Variants in FAM186B observed in about 807,000 individuals in gnomAD.
The protein encoded by FAM186B is family with sequence similarity 186 member B.
In FAM186B, 68 loss-of-function variants were observed where a neutral mutation model predicts 83.4. That is an observed-to-expected ratio of 0.81 (90% CI 0.67 to 1.00). FAM186B has a LOEUF of 1.00. Among genes scored for constraint, FAM186B ranks in the 50% least tolerant of loss-of-function variants. The pLI is 0.00. For synonymous variants in FAM186B, 389 were observed against 422.0 expected (o/e 0.92, Z 0.96); for missense variants, 983 against 1,099.2 (o/e 0.89, Z 1.49).
At chr12:49,601,184 G>T in intron 3 of FAM186B, 50 bp from the exon 4 acceptor site, 1 of 1,511,712 alleles carries the variant, frequency 6.6e-7, no homozygotes. Flanking sequence ...GGGTCCCAAG[G>T]ATTGCATTGA....
the FAM186B span, among the ~76,000 whole-genome samples, chr12:49,612,367 GTT>G: frequency 2.8e-3 from 379 of 133,990 alleles, 3 homozygotes; most frequent in African/African-American, 9.2e-3. Context: ...ATCCAACAAA[GTT>G]TTTTTTTTTT....
intron 4 of FAM186B, 23 bp downstream of exon 4, chr12:49,599,446 G>A (rs1939810911): frequency 1.3e-6 from 2 of 1,514,116 alleles, no homozygotes; most frequent in South Asian, 2.7e-5. Flanking sequence ...GTGGGTGCCA[G>A]GTGGGTTCCA....
At chr12:49,621,671 A>T in the FAM186B span, among the ~76,000 whole-genome samples, 2 of 152,276 alleles carry the variant, frequency 1.3e-5, no homozygotes, top group African/African-American at 2.4e-5. Context: ...CAGGAAAAAT[A>T]AAAGTTTGTG....
At chr12:49,592,471 C>A (rs891152061) in intron 5 of FAM186B, among the ~76,000 whole-genome samples, 12 of 151,580 alleles carry the variant, frequency 7.9e-5, no homozygotes, top group African/African-American at 2.4e-4. Context: ...GACTCTGTCT[C>A]AAAAAATAAT....
chr12:49,605,314 C>T, intron 1 of FAM186B, 68 bp downstream of exon 1: 1 of 1,562,872 alleles, frequency 6.4e-7, no homozygotes, highest in East Asian at 2.3e-5. Context: ...TCACTCAAAC[C>T]TGGGATCAGC....
intron 6 of FAM186B, 67 bp downstream of exon 6, chr12:49,588,387 C>G: frequency 6.5e-7 from 1 of 1,527,262 alleles, no homozygotes; most frequent in Admixed American, 2.0e-5. Context: ...CCTCCCCAGG[C>G]TGGTCACCCC....
At chr12:49,588,692 TTGTC>T in intron 5 of FAM186B, 69 bp from the exon 6 acceptor site, 1 of 1,473,386 alleles carries the variant, frequency 6.8e-7, no homozygotes, top group Non-Finnish European at 9.1e-7. Context: ...TGAGGAGGCT[TTGTC>T]TGTTTGTTGG....
chr12:49,618,570 A>G, the FAM186B span, among the ~76,000 whole-genome samples: 1 of 152,284 alleles, frequency 6.6e-6, no homozygotes, highest in East Asian at 1.9e-4. Context: ...TGACAGAACT[A>G]TCAGTAACAG....
downstream of FAM186B, among the ~76,000 whole-genome samples, chr12:49,585,578 C>T (rs941007488): frequency 1.3e-5 from 2 of 152,190 alleles, no homozygotes; most frequent in Non-Finnish European, 2.9e-5. Flanking sequence ...AGATGAGCAG[C>T]CCTCCCTCAC....
chr12:49,620,379 G>C, the FAM186B span, among the ~76,000 whole-genome samples: 5 of 152,084 alleles, frequency 3.3e-5, no homozygotes, highest in South Asian at 2.1e-4. Context: ...TGTCAAAAAA[G>C]TGCATGGAGG....
chr12:49,605,387 G>A lies in FAM186B; in HGVS notation c.91C>T (p.Gln31Ter), dbSNP rs756328987. The change falls in exon 1 of 7, where the codon CAA becomes TAA. Residue 31 changes from glutamine to a stop codon, truncating the protein, a stop_gained. Coordinates refer to ENST00000257894, the MANE Select transcript of FAM186B (RefSeq NM_032130.3). LOFTEE classifies it high-confidence loss of function. The stretch of plus-strand genomic sequence containing the variant: ...TCCTTCATCTCAGGGGCTACCTCTT[G>A]AGCCCGAGTTAGCTGGGCAGCCTCA... The part of the protein sequence containing the change: ...RIEAAQLTRA[Q>*]EDISTQLSDI... 6.2e-7 allele frequency: 1 copy of A among 1,612,408 alleles called. No individual in the cohort carries two copies. The highest frequency in any genetic ancestry group is 8.5e-7 in the Non-Finnish European group (1 of 1,179,426).
chr12:49,604,583 G>C (rs747724120), intron 1 of FAM186B, 45 bp from the exon 2 acceptor site: 1 of 1,538,960 alleles, frequency 6.5e-7, no homozygotes, highest in Middle Eastern at 1.7e-4. Flanking sequence ...GTGGACTTGA[G>C]CCAGAAGCCA....
At chr12:49,587,836 G>A (rs1437379143) in intron 6 of FAM186B, 84 bp from the exon 7 acceptor site, 4 of 1,463,292 alleles carry the variant, frequency 2.7e-6, no homozygotes, top group Non-Finnish European at 3.7e-6. Context: ...TCAGGCCCAA[G>A]TGAGCTTTGT....
chr12:49,601,611 CAT>C (rs994368048), intron 3 of FAM186B, among the ~76,000 whole-genome samples: 38 of 147,122 alleles, frequency 2.6e-4, no homozygotes, highest in African/African-American at 9.4e-4. Flanking sequence ...CAACTGTTCA[CAT>C]GTTTTATGTT....
At chr12:49,597,911 T>A (rs1445024254) in intron 5 of FAM186B, among the ~76,000 whole-genome samples, 1 of 151,942 alleles carries the variant, frequency 6.6e-6, no homozygotes, top group Non-Finnish European at 1.5e-5. Flanking sequence ...AATGCAAAAA[T>A]TATCCAGGTG....
rs114606658 is a variant in FAM186B, at chr12:49,588,862, A to G, written c.2365-239T>C. On this transcript the variant is annotated intron_variant, in intron 5 of 6. Coordinates refer to ENST00000257894, the MANE Select transcript of FAM186B (RefSeq NM_032130.3). The stretch of plus-strand genomic sequence containing the variant: ...CCTGTTTTCTCCTTTGTTGTGAGGA[A>G]GCTGGATAATGGGCAAAACAGCAAG... Among the ~76,000 whole-genome samples, 874 of 152,276 alleles carry G rather than the reference A, an allele frequency of 5.7e-3. 7 individuals carry two copies. Among genetic ancestry groups the G allele is most frequent in the Middle Eastern group, 0.041 (12 of 294 alleles).
At chr12:49,586,962 T>A (rs7973389), downstream of FAM186B, among the ~76,000 whole-genome samples, 1 of 152,010 alleles carries the variant, frequency 6.6e-6, no homozygotes, top group Admixed American at 6.5e-5. Flanking sequence ...CCTCTCCCCA[T>A]TGGGGATCTG....
rs1273845056 is a variant in FAM186B, at chr12:49,600,914, G to C, written c.726C>G (p.Asn242Lys). The change falls in exon 4 of 7, where the codon AAC becomes AAG. Residue 242 changes from asparagine (N) to lysine (K), a missense_variant. By Grantham distance (94) the Asn-to-Lys change is moderately conservative. Transcript: ENST00000257894. This position sits in a 1 kb window ranked among gnomAD's most constrained non-coding sequence, Gnocchi z 4.3. ...GTTGGAGGATCAAGGCCTTGTTGAGGTTCTCCACCACAGTGGCCATGTACC... is the reference window on the plus strand; with the variant it reads ...GTTGGAGGATCAAGGCCTTGTTGAGCTTCTCCACCACAGTGGCCATGTACC... ...AIRYMATVVE[N>K]LNKALILQHK... The C allele has an allele frequency of 6.2e-7, 1 of 1,614,026 alleles. No homozygotes were observed. The highest frequency in any genetic ancestry group is 1.3e-5 in the African/African-American group (1 of 74,912).
intron 3 of FAM186B, among the ~76,000 whole-genome samples, chr12:49,602,449 A>G (rs190484816): frequency 1.3e-5 from 2 of 152,334 alleles, no homozygotes; most frequent in East Asian, 3.9e-4. Context: ...TGTTCCAAGC[A>G]TGGTGTCAGA....
Sources: gnomAD v4.1 joint callset for allele counts (sites outside exome capture counted in the v4.1 genomes callset) on GRCh38, gnomAD v4.1.1 for gene constraint, Gnocchi (gnomAD v3.1) non-coding constraint, MANE v1.5 for transcripts, NCBI Gene and HGNC (gene_info 2026-07-23, HGNC 2026-07-21) for gene names.